Variants in CASR observed in about 807,000 individuals in gnomAD.
The protein encoded by CASR is calcium sensing receptor.
CASR carries 23 observed loss-of-function variants against 69.1 expected under a neutral mutation model. That is an observed-to-expected ratio of 0.33 (90% CI 0.24 to 0.47). CASR has a LOEUF of 0.47. Among genes scored for constraint, CASR ranks in the 20% least tolerant of loss-of-function variants. The pLI is 1.00. For missense variants in CASR, 924 were observed against 1,356.1 expected, an observed-to-expected ratio of 0.68 and a Z score of 5.00; for synonymous variants, 541 against 544.7, an observed-to-expected ratio of 0.99 and a Z score of 0.10.
intron 1 of CASR, among the ~76,000 whole-genome samples, chr3:122,215,614 T>C (rs1227332537): frequency 6.6e-6 from 1 of 152,184 alleles, no homozygotes; most frequent in South Asian, 2.1e-4. Flanking sequence ...TCAGGGTAGG[T>C]TTCTATATAT....
Position 122,274,168 on chromosome 3 carries a change from CCT to C in CASR, c.1378-1640_1378-1639del, listed in dbSNP as rs538224759. 5.9e-5 allele frequency among the ~76,000 whole-genome samples: 9 copies of C among 152,240 alleles called. No individual in the cohort carries two copies. The South Asian group carries it at 1.9e-3, about 32-fold the overall frequency. On this transcript the variant is annotated intron_variant, in intron 4 of 6. Transcript: ENST00000639785. Reference sequence around the variant, plus strand: ...ACCAGGTAGCAGGGAGTGAGGGATCCCTCTCCTTCATAGACCTGAGTTGAAAG... The same window carrying C: ...ACCAGGTAGCAGGGAGTGAGGGATCCCTCCTTCATAGACCTGAGTTGAAAG...
chr3:122,282,145 G>T lies in CASR; in HGVS notation c.1641G>T (p.Leu547=). 6.2e-7 allele frequency: 1 copy of T among 1,614,206 alleles called. No individual in the cohort carries two copies. Among genetic ancestry groups the T allele is most frequent in the Non-Finnish European group, 8.5e-7 (1 of 1,180,020 alleles). The change falls in exon 6 of 7, where the codon CTG becomes CTT. Residue 547 remains leucine (L), a synonymous_variant. Transcript: ENST00000639785. The part of the protein sequence containing the change: ...VPFSNCSRDC[L]AGTRKGIIEG... ...TCTCCAACTGCAGCCGAGACTGCCT[G>T]GCAGGGACCAGGAAAGGGATCATTG...
chr3:122,226,545 A>G (rs1055096351), intron 1 of CASR, among the ~76,000 whole-genome samples: 1 of 152,150 alleles, frequency 6.6e-6, no homozygotes, highest in Non-Finnish European at 1.5e-5. Flanking sequence ...TTATTCTCTT[A>G]TCTGGCCCCA....
intron 1 of CASR, among the ~76,000 whole-genome samples, chr3:122,220,959 G>GA (rs1206029433): frequency 1.3e-5 from 2 of 151,674 alleles, no homozygotes; most frequent in African/African-American, 4.8e-5. Context: ...GGGCGACAGA[G>GA]AAAACCCCAT....
chr3:122,280,806 A>C (rs1453400430), intron 5 of CASR, among the ~76,000 whole-genome samples: 2 of 152,202 alleles, frequency 1.3e-5, no homozygotes, highest in East Asian at 3.8e-4. Context: ...GGTAGAGGGG[A>C]GACCCATTAA....
chr3:122,263,123 G>A (rs181989067), intron 4 of CASR, among the ~76,000 whole-genome samples: 7 of 152,212 alleles, frequency 4.6e-5, no homozygotes, highest in East Asian at 3.9e-4. Flanking sequence ...ATAGCTGTTC[G>A]GGTCTTGCAT....
At chr3:122,240,998 A>G (rs2074374168) in intron 1 of CASR, among the ~76,000 whole-genome samples, 1 of 152,158 alleles carries the variant, frequency 6.6e-6, no homozygotes, top group Non-Finnish European at 1.5e-5. Context: ...TAATAGAAAC[A>G]TAACATACCA....
At chr3:122,282,080 C>T (rs1301204592) in intron 5 of CASR, 33 bp from the exon 6 acceptor site, 10 of 1,614,048 alleles carry the variant, frequency 6.2e-6, no homozygotes, top group Non-Finnish European at 2.5e-6. Flanking sequence ...CCTACAACTA[C>T]AGCCACTCAC....
chr3:122,246,413 C>T (rs886980467), intron 1 of CASR: 2 of 152,198 alleles, frequency 1.3e-5, no homozygotes, highest in African/African-American at 4.8e-5. Flanking sequence ...AATGTTAGAA[C>T]ACTAAAATGC....
rs1052894436 is a variant in CASR at position 122,286,725 on chromosome 3, G to A, written c.*1534G>A. On this transcript the variant is annotated 3_prime_UTR_variant, in exon 7 of 7. Coordinates refer to ENST00000639785, the MANE Select transcript of CASR (RefSeq NM_000388.4). ...GGTGGCCCAATGCCCTGTCTCCGCA[G>A]TGTCAGGGCCTGGACCTCCAGCATC... The A allele has an allele frequency of 2.0e-5, 3 of 152,266 alleles. No individual in the cohort carries two copies. The highest frequency in any genetic ancestry group is 7.2e-5 in the African/African-American group (3 of 41,454). The allele number at this position is 152,266 out of a possible 1,614,324, so 9.4% of individuals were successfully genotyped here.
chr3:122,193,602 G>A (rs896418969), intron 1 of CASR, among the ~76,000 whole-genome samples: 1 of 152,122 alleles, frequency 6.6e-6, no homozygotes, highest in Non-Finnish European at 1.5e-5. Flanking sequence ...TACCTACCAT[G>A]TGCCAGTAAC....
intron 1 of CASR, among the ~76,000 whole-genome samples, chr3:122,201,579 G>A (rs6438710): frequency 0.17 from 26,471 of 151,784 alleles, 2,372 homozygotes; most frequent in African/African-American, 0.21. Context: ...AGGGGCAGCC[G>A]GGCAGAGGCA....
intron 1 of CASR, among the ~76,000 whole-genome samples, chr3:122,252,823 C>G (rs1221367205): frequency 6.6e-6 from 1 of 152,192 alleles, no homozygotes; most frequent in Non-Finnish European, 1.5e-5. Context: ...TTCAAAGAAT[C>G]TGTGGAACAT....
At chr3:122,240,305 G>C (rs769512990) in intron 1 of CASR, among the ~76,000 whole-genome samples, 1 of 151,970 alleles carries the variant, frequency 6.6e-6, no homozygotes, top group Non-Finnish European at 1.5e-5. Context: ...CACCTATAAA[G>C]GTACACATAG....
rs1293600651 is a variant in CASR at position 122,254,393 on chromosome 3, T to C, written c.185+19T>C. On this transcript the variant is annotated intron_variant, in intron 2 of 6. Coordinates refer to ENST00000639785, the MANE Select transcript of CASR (RefSeq NM_000388.4). ...GTATCAGGTAAGAAGAGGGGCCTAATCTGCCAATCTCTTCTCTTCTGAGTG... is the reference window on the plus strand; with the variant it reads ...GTATCAGGTAAGAAGAGGGGCCTAACCTGCCAATCTCTTCTCTTCTGAGTG... 2 of 1,609,390 alleles carry C rather than the reference T, an allele frequency of 1.2e-6. No individual in the cohort carries two copies. Among genetic ancestry groups the C allele is most frequent in the African/African-American group, 2.7e-5 (2 of 74,848 alleles).
chr3:122,254,006 A>G lies in CASR; in HGVS notation c.-184A>G. The G allele has an allele frequency of 1.5e-6, 1 of 682,000 alleles. No homozygotes were observed. The highest frequency in any genetic ancestry group is 2.7e-5 in the East Asian group (1 of 37,132). 42.2% of individuals were successfully genotyped at this position (682,000 alleles called of 1,614,324 possible). ...TTCCAAAGACTCAAGGACCACCCAC[A>G]TTACAAGTCTGGATTGAGGAAGGCA... On this transcript the variant is annotated 5_prime_UTR_variant, in exon 2 of 7. Coordinates refer to ENST00000639785, the MANE Select transcript of CASR (RefSeq NM_000388.4).
chr3:122,262,355 G>A lies in CASR; in HGVS notation c.1320G>A (p.Gly440=), dbSNP rs200243816. The change falls in exon 4 of 7, where the codon GGG becomes GGA. Residue 440 remains glycine, a synonymous_variant. Transcript: ENST00000639785. ...AAGATATATATACCTGCTTACCTGGGAGAGGGCTCTTCACCAATGGCTCCT... is the reference window on the plus strand; with the variant it reads ...AAGATATATATACCTGCTTACCTGGAAGAGGGCTCTTCACCAATGGCTCCT... The part of the protein sequence containing the change: ...ALQDIYTCLP[G]RGLFTNGSCA... 6.2e-7 allele frequency: 1 copy of A among 1,613,898 alleles called. No individual in the cohort carries two copies. Among genetic ancestry groups the A allele is most frequent in the African/African-American group, 1.3e-5 (1 of 74,916 alleles).
At chr3:122,240,652 C>A (rs532849390) in intron 1 of CASR, among the ~76,000 whole-genome samples, 1 of 152,314 alleles carries the variant, frequency 6.6e-6, no homozygotes, top group African/African-American at 2.4e-5. Flanking sequence ...AAAGAAACAT[C>A]AGACTTAATC....
At chr3:122,268,017 C>A (rs947740616) in intron 4 of CASR, among the ~76,000 whole-genome samples, 2 of 152,148 alleles carry the variant, frequency 1.3e-5, no homozygotes, top group Non-Finnish European at 2.9e-5. Flanking sequence ...TTCACTCCTG[C>A]ATGTGAGTAG....
Sources: gnomAD v4.1 joint callset for allele counts (sites outside exome capture counted in the v4.1 genomes callset) on GRCh38, gnomAD v4.1.1 for gene constraint, MANE v1.5 for transcripts, NCBI Gene and HGNC (gene_info 2026-07-23, HGNC 2026-07-21) for gene names.